Variants in PCDHGB1 observed in about 807,000 individuals in gnomAD.
PCDHGB1 encodes the protein protocadherin gamma subfamily B, 1, also known as protocadherin gamma-B1.
PCDHGB1 carries 34 observed loss-of-function variants against 56.6 expected under a neutral mutation model. That is an observed-to-expected ratio of 0.60 (90% CI 0.46 to 0.80). PCDHGB1 has a LOEUF of 0.80. Among genes scored for constraint, PCDHGB1 ranks in the 30% least tolerant of loss-of-function variants. PCDHGB1 has a pLI of 0.00. For synonymous variants in PCDHGB1, 561 were observed against 505.9 expected, an observed-to-expected ratio of 1.11 and a Z score of -1.46; for missense variants, 1,278 against 1,204.6, an observed-to-expected ratio of 1.06 and a Z score of -0.90.
chr5:141,352,412 G>C lies in PCDHGB1; in HGVS notation c.2152G>C (p.Asp718His). The change falls in exon 1 of 4, where the codon GAC becomes CAC. Residue 718 changes from aspartate (D) to histidine (H), a missense_variant. By Grantham distance (81) the Asp-to-His change is moderately conservative. Coordinates refer to ENST00000523390, the MANE Select transcript of PCDHGB1 (RefSeq NM_018922.3). ...GCGCCTGCGACGTTCCTCCAGCCTC[G>C]ACACTGAGGGCTGCTTTCAAACCGG... Reference protein sequence around the residue: ...ALRLRRSSSLDTEGCFQTGLC... With the variant: ...ALRLRRSSSLHTEGCFQTGLC... 1 of 1,613,998 alleles carries C rather than the reference G, an allele frequency of 6.2e-7. No homozygotes were observed. Among genetic ancestry groups the C allele is most frequent in the South Asian group, 1.1e-5 (1 of 91,082 alleles).
intron 1 of PCDHGB1, among the ~76,000 whole-genome samples, chr5:141,425,603 A>G (rs2096884807): frequency 6.6e-6 from 1 of 152,218 alleles, no homozygotes; most frequent in Non-Finnish European, 1.5e-5. Context: ...TATGCCCTAT[A>G]TAGCTTTCAG....
intron 1 of PCDHGB1, chr5:141,366,102 T>A (rs1445962676): frequency 6.2e-7 from 1 of 1,614,084 alleles, no homozygotes; most frequent in African/African-American, 1.3e-5. Context: ...GTGACCAAGG[T>A]GGTAGCGGTG....
chr5:141,355,207 G>A lies in PCDHGB1; in HGVS notation c.2409+2538G>A, dbSNP rs764438862. ...ACTCCGCGGCGGGGTTGTAATGGCG[G>A]CGCCTCCTGCTCGCCCAGACCACAC... On this transcript the variant is annotated intron_variant, in intron 1 of 3. Transcript: ENST00000523390. The A allele has an allele frequency of 3.4e-5, 55 of 1,598,704 alleles. No individual in the cohort carries two copies. The highest frequency in any genetic ancestry group is 1.7e-5 in the Non-Finnish European group (20 of 1,171,260).
intron 1 of PCDHGB1, chr5:141,371,363 T>C: frequency 3.7e-6 from 6 of 1,613,948 alleles, no homozygotes; most frequent in Non-Finnish European, 5.1e-6. Flanking sequence ...AAGCAAAGGA[T>C]GGTGGACATC....
At chr5:141,479,200 AAAGT>A (rs1430087636) in intron 1 of PCDHGB1, 5 of 152,466 alleles carry the variant, frequency 3.3e-5, no homozygotes, top group African/African-American at 1.2e-4. Flanking sequence ...AAAATACAGA[AAAGT>A]ATTTAAAAAA....
chr5:141,352,095 TC>T lies in PCDHGB1; in HGVS notation c.1836del (p.Phe613SerfsTer46). 1 of 1,605,676 alleles carries T rather than the reference TC, an allele frequency of 6.2e-7. No individual in the cohort carries two copies. The highest frequency in any genetic ancestry group is 8.5e-7 in the Non-Finnish European group (1 of 1,176,746). On this transcript the variant is annotated frameshift_variant, in exon 1 of 4. Transcript: ENST00000523390. LOFTEE classifies it high-confidence loss of function. ...GTGCTGCAGGCCAGCGAGCCCGGGC[TC>T]TTCAGCCTGGGGTTGCGCACGGGTG... is the stretch of plus-strand genomic sequence containing the variant. ...YHVLQASEPG[L>X]FSLGLRTGEV... is the part of the protein sequence containing the mutation.
Position 141,384,211 on chromosome 5 carries a change from A to G in PCDHGB1, c.2409+31542A>G, listed in dbSNP as rs1779844245. On this transcript the variant is annotated intron_variant, in intron 1 of 3. Transcript: ENST00000523390. The stretch of plus-strand genomic sequence containing the variant: ...TCCTCCCTTGTCCAGGGAAACTCAC[A>G]TATTCATGCAGGTGGCAGACACCAA... The G allele has an allele frequency of 6.2e-7, 1 of 1,613,880 alleles. No individual in the cohort carries two copies. Among genetic ancestry groups the G allele is most frequent in the Non-Finnish European group, 8.5e-7 (1 of 1,179,872 alleles).
At chr5:141,357,292 G>A (rs1940916044) in intron 1 of PCDHGB1, 1 of 1,613,972 alleles carries the variant, frequency 6.2e-7, no homozygotes. Flanking sequence ...GGTGGCAGTG[G>A]CCGCTGTCTC....
At chr5:141,473,733 G>A (rs943072050) in intron 1 of PCDHGB1, among the ~76,000 whole-genome samples, 19 of 152,214 alleles carry the variant, frequency 1.2e-4, no homozygotes, top group Admixed American at 3.9e-4. Flanking sequence ...GAGAGAGGGA[G>A]AAGACATGAG....
At chr5:141,450,006 CTTTTTT>C (rs1554136305) in intron 1 of PCDHGB1, among the ~76,000 whole-genome samples, 7,115 of 132,964 alleles carry the variant, frequency 0.054, 434 homozygotes, top group African/African-American at 0.14. Flanking sequence ...TGCCATGTCT[CTTTTTT>C]TTTTTTTTTT....
chr5:141,427,126 C>T (rs1216633922), intron 1 of PCDHGB1: 1 of 457,282 alleles, frequency 2.2e-6, no homozygotes, highest in Non-Finnish European at 4.4e-6. Context: ...TCTTTCAAAT[C>T]CCTACGAGAT....
rs924491576 is a variant in PCDHGB1, at chr5:141,491,579, C to T, written c.2410-3228C>T. On this transcript the variant is annotated intron_variant, in intron 1 of 3. Coordinates refer to ENST00000523390, the MANE Select transcript of PCDHGB1 (RefSeq NM_018922.3). This position sits in a 1 kb window ranked among gnomAD's most constrained non-coding sequence, Gnocchi z 6.9. ...CACTGCTACAGGACGTGCTTTTCAC[C>T]GGCCTCGGACGGCAGTGACTTCACT... is the stretch of plus-strand genomic sequence containing the variant. 18 of 1,613,810 alleles carry T rather than the reference C, an allele frequency of 1.1e-5. No homozygotes were observed. Among genetic ancestry groups the T allele is most frequent in the Non-Finnish European group, 1.4e-5 (17 of 1,180,044 alleles).
At chr5:141,482,089 CAA>C (rs36035257) in intron 1 of PCDHGB1, among the ~76,000 whole-genome samples, 9,071 of 134,384 alleles carry the variant, frequency 0.068, 318 homozygotes, top group South Asian at 0.13. Context: ...CACTCCATCT[CAA>C]AAAAAAAAAA....
chr5:141,353,084 G>A (rs1759182149), intron 1 of PCDHGB1, among the ~76,000 whole-genome samples: 1 of 152,142 alleles, frequency 6.6e-6, no homozygotes, highest in African/African-American at 2.4e-5. Context: ...GGTATCTACT[G>A]CGGGAGGGGG....
At chr5:141,429,770 A>T (rs2097244120) in intron 1 of PCDHGB1, among the ~76,000 whole-genome samples, 1 of 152,122 alleles carries the variant, frequency 6.6e-6, no homozygotes, top group Admixed American at 6.6e-5. Context: ...CTATATTTTG[A>T]TGGGCTTCCA....
rs2099605485 is a variant in PCDHGB1 at position 141,485,030 on chromosome 5, G to A, written c.2410-9777G>A. 1 of 674,340 alleles carries A rather than the reference G, an allele frequency of 1.5e-6. No individual in the cohort carries two copies. Among genetic ancestry groups the A allele is most frequent in the East Asian group, 2.6e-5 (1 of 38,292 alleles). The allele number at this position is 674,340 out of a possible 1,614,324, so 41.8% of individuals were successfully genotyped here. A position where few individuals can be genotyped will look rare whatever the true frequency, so the allele number is the denominator to read the frequency against. ...CTACCCCGCCACCAGCAAAAACGGC[G>A]CGTAACCCTTGCGGCGCCGGCCGAA... On this transcript the variant is annotated intron_variant, in intron 1 of 3. Transcript: ENST00000523390. The surrounding 1 kb of genome is among the most constrained non-coding windows in gnomAD (Gnocchi z 5.7).
At chr5:141,421,141 G>A (rs7732160) in intron 1 of PCDHGB1, 49,996 of 938,386 alleles carry the variant, frequency 0.053, 1,680 homozygotes, top group African/African-American at 0.14. Flanking sequence ...TATTTTGGAT[G>A]TAGTCGGCCT....
At chr5:141,399,808 C>A in intron 1 of PCDHGB1, 1 of 1,613,208 alleles carries the variant, frequency 6.2e-7, no homozygotes, top group Non-Finnish European at 8.5e-7. Flanking sequence ...GGTGCTGTAC[C>A]CCGCGCTGGG....
intron 2 of PCDHGB1, among the ~76,000 whole-genome samples, chr5:141,504,354 G>C (rs1349256606): frequency 6.6e-6 from 1 of 152,100 alleles, no homozygotes; most frequent in Non-Finnish European, 1.5e-5. Flanking sequence ...TGTGCTAGGT[G>C]CTTCAGTAGG....
Sources: allele counts gnomAD v4.1 joint callset (sites outside exome capture counted in the v4.1 genomes callset), GRCh38; gene constraint gnomAD v4.1.1; non-coding constraint Gnocchi (gnomAD v3.1); transcripts MANE v1.5; gene names NCBI Gene and HGNC (gene_info 2026-07-23, HGNC 2026-07-21).